The following PPP2R2B variants were observed in gnomAD, a reference collection of about 807,000 sequenced individuals.
The protein encoded by PPP2R2B is protein phosphatase 2 regulatory subunit Bbeta.
A neutral mutation model predicts 46.0 loss-of-function variants in PPP2R2B; 5 were observed. The ratio of observed to expected loss-of-function variants is 0.11; its 90% CI spans 0.06 to 0.23. The LOEUF is 0.23. Among genes scored for constraint, PPP2R2B ranks in the 10% least tolerant of loss-of-function variants. The pLI, the probability that PPP2R2B is intolerant of heterozygous loss-of-function variation, is 1.00. For synonymous variants in PPP2R2B, 215 were observed against 206.7 expected (o/e 1.04, Z -0.34); for missense variants, 367 against 575.0 (o/e 0.64, Z 3.70).
intron 1 of PPP2R2B, among the ~76,000 whole-genome samples, chr5:146,931,418 C>T (rs1028936052): frequency 1.3e-5 from 2 of 152,098 alleles, no homozygotes; most frequent in African/African-American, 4.8e-5. Context: ...CACCCTCTCT[C>T]AATAATCTCT....
At chr5:146,951,599 G>A (rs62373339) in intron 1 of PPP2R2B, among the ~76,000 whole-genome samples, 26,105 of 151,936 alleles carry the variant, frequency 0.17, 2,574 homozygotes, top group East Asian at 0.39. Flanking sequence ...TTATAAGTGA[G>A]AACCTGAGGT....
At position 146,779,326 on chromosome 5, in the gene PPP2R2B, C is replaced by T. The variant is rs995924372; in HGVS notation, c.71-78184G>A. Among the ~76,000 whole-genome samples, 17 of 152,152 alleles carry T rather than the reference C, an allele frequency of 1.1e-4. 1 individual carries two copies. Among genetic ancestry groups the T allele is most frequent in the Admixed American group, 6.5e-4 (10 of 15,296 alleles). ...CTGTCCACATCTTGTTTCCAGAAAA[C>T]GGATTACTCTGCTGGCGGTTGATTC... On this transcript the variant is annotated intron_variant, in intron 2 of 9. Coordinates refer to ENST00000394411, the MANE Select transcript of PPP2R2B (RefSeq NM_181675.4).
At chr5:146,976,603 G>C (rs533415212) in intron 1 of PPP2R2B, among the ~76,000 whole-genome samples, 3 of 151,998 alleles carry the variant, frequency 2.0e-5, no homozygotes, top group African/African-American at 7.2e-5. Flanking sequence ...CTATCAATTT[G>C]TAACATTATT....
intron 1 of PPP2R2B, among the ~76,000 whole-genome samples, chr5:146,938,006 C>T (rs1170380909): frequency 1.3e-5 from 2 of 152,072 alleles, no homozygotes; most frequent in Non-Finnish European, 2.9e-5. Flanking sequence ...ATACTTTGAG[C>T]ACTCTGTAAG....
intron 1 of PPP2R2B, among the ~76,000 whole-genome samples, chr5:146,913,792 T>A (rs1763278185): frequency 6.6e-6 from 1 of 152,214 alleles, no homozygotes; most frequent in East Asian, 1.9e-4. Flanking sequence ...TTAAATCCTT[T>A]AGTGAATTAA....
chr5:146,899,720 T>G (rs1630123), intron 1 of PPP2R2B, among the ~76,000 whole-genome samples: 1 of 152,022 alleles, frequency 6.6e-6, no homozygotes, highest in Non-Finnish European at 1.5e-5. Context: ...ATCCAATTAA[T>G]AGAAGTATCA....
chr5:146,765,897 G>A (rs1374640661), intron 2 of PPP2R2B, among the ~76,000 whole-genome samples: 1 of 152,130 alleles, frequency 6.6e-6, no homozygotes, highest in Admixed American at 6.5e-5. Flanking sequence ...TTCTCATGCT[G>A]GTAACTTTCA....
chr5:146,702,922 G>T lies in PPP2R2B; in HGVS notation c.71-1780C>A, dbSNP rs1045002983. Among the ~76,000 whole-genome samples, 3 of 152,172 alleles carry T rather than the reference G, an allele frequency of 2.0e-5. No homozygotes were observed. In the South Asian group the frequency reaches 6.2e-4, roughly 32 times the overall value. On this transcript the variant is annotated intron_variant, in intron 2 of 9. Coordinates refer to ENST00000394411, the MANE Select transcript of PPP2R2B (RefSeq NM_181675.4). ...CTAAGTTCCAGATGTAAGTTTAGAA[G>T]GTCCATTTATGTAACCAATGCCCAT... is the stretch of plus-strand genomic sequence containing the variant.
chr5:146,865,860 A>G (rs997946480), intron 2 of PPP2R2B, among the ~76,000 whole-genome samples: 1 of 152,178 alleles, frequency 6.6e-6, no homozygotes. Context: ...TCTACCTGCC[A>G]GCATCCTACC....
chr5:146,933,187 A>AG (rs1434721482), intron 1 of PPP2R2B, among the ~76,000 whole-genome samples: 2 of 152,182 alleles, frequency 1.3e-5, no homozygotes, highest in African/African-American at 2.4e-5. Flanking sequence ...TTGGAAAATA[A>AG]TCCCATGTGT....
In PPP2R2B at chr5:146,761,550, T is replaced by C. The variant is rs896183684; in HGVS notation, c.71-60408A>G. ...AAGTGGGGGGTGCAGCACACCAACATGGCACATGTATACATATGTAACAAA... is the reference window on the plus strand; with the variant it reads ...AAGTGGGGGGTGCAGCACACCAACACGGCACATGTATACATATGTAACAAA... On this transcript the variant is annotated intron_variant, in intron 2 of 9. Coordinates refer to ENST00000394411, the MANE Select transcript of PPP2R2B (RefSeq NM_181675.4). Among the ~76,000 whole-genome samples, 6 of 152,084 alleles carry C rather than the reference T, an allele frequency of 3.9e-5. No homozygotes were observed. The East Asian group carries it at 1.2e-3, about 29-fold the overall frequency.
chr5:146,593,096 T>C (rs1770822746), intron 8 of PPP2R2B, 34 bp from the exon 9 acceptor site: 1 of 1,511,738 alleles, frequency 6.6e-7, no homozygotes, highest in African/African-American at 1.4e-5. Flanking sequence ...GGTCAGTTAT[T>C]ATTTTAAACA....
chr5:147,045,448 G>A (rs550839091), intron 1 of PPP2R2B, among the ~76,000 whole-genome samples: 2 of 152,226 alleles, frequency 1.3e-5, no homozygotes, highest in South Asian at 4.1e-4. Flanking sequence ...TATAGCCTGG[G>A]TATGTAGTAG....
Position 146,585,988 on chromosome 5 carries a change from C to T in PPP2R2B, c.*3959G>A, listed in dbSNP as rs900043125. The stretch of plus-strand genomic sequence containing the variant: ...TTTTCCACTGACCAGGTTGGTTGCT[C>T]CCTTGGAAAGCAGTCCCTGAGAGTT... On this transcript the variant is annotated 3_prime_UTR_variant, in exon 10 of 10. Transcript: ENST00000394411. The T allele has an allele frequency of 3.3e-5, 5 of 152,090 alleles. No individual in the cohort carries two copies. The highest frequency in any genetic ancestry group is 1.2e-4 in the African/African-American group (5 of 41,398). 9.4% of individuals were successfully genotyped at this position (152,090 alleles called of 1,614,324 possible).
intron 2 of PPP2R2B, among the ~76,000 whole-genome samples, chr5:146,849,207 CT>C (rs1449507933): frequency 6.6e-6 from 1 of 152,140 alleles, no homozygotes; most frequent in Non-Finnish European, 1.5e-5. Context: ...GATGCCATTT[CT>C]TTTAGGCCCT....
chr5:146,811,757 C>T (rs1414406469), intron 2 of PPP2R2B, among the ~76,000 whole-genome samples: 14 of 143,302 alleles, frequency 9.8e-5, no homozygotes, highest in East Asian at 2.0e-4. Flanking sequence ...TCAGTAGAGA[C>T]GGGGTTTCAC....
intron 1 of PPP2R2B, chr5:147,055,585 G>T: frequency 8.0e-7 from 1 of 1,249,276 alleles, no homozygotes; most frequent in Non-Finnish European, 1.2e-6. Context: ...ACAGAAAGCA[G>T]CATCAGCAGA....
At chr5:146,682,908 T>C (rs750769624) in intron 5 of PPP2R2B, among the ~76,000 whole-genome samples, 2 of 152,126 alleles carry the variant, frequency 1.3e-5, no homozygotes, top group Non-Finnish European at 2.9e-5. Context: ...ATACAGAACC[T>C]TGAGGCAGGA....
intron 2 of PPP2R2B, among the ~76,000 whole-genome samples, chr5:146,723,434 A>C (rs10477308): frequency 6.6e-6 from 1 of 152,214 alleles, no homozygotes; most frequent in Non-Finnish European, 1.5e-5. Context: ...AGAATTAAGT[A>C]AGAGTGGGCA....
Sources: allele counts gnomAD v4.1 joint callset (sites outside exome capture counted in the v4.1 genomes callset), GRCh38; gene constraint gnomAD v4.1.1; transcripts MANE v1.5; gene names NCBI Gene and HGNC (gene_info 2026-07-23, HGNC 2026-07-21).